FGD4: variants seen among roughly 807,000 people sequenced by gnomAD.
The protein encoded by FGD4 is FYVE, RhoGEF and PH domain containing 4, also known as FYVE, RhoGEF and PH domain-containing protein 4.
A neutral mutation model predicts 102.0 loss-of-function variants in FGD4; 42 were observed. The observed-to-expected ratio is 0.41, with a 90% confidence interval of 0.32 to 0.53. The LOEUF (loss-of-function observed/expected upper bound fraction) is 0.53, where lower values mean the gene tolerates loss of function less well. Among genes scored for constraint, FGD4 ranks in the 20% least tolerant of loss-of-function variants. The probability of loss-of-function intolerance (pLI) is 0.21; values close to 1 mark genes in which losing one functional copy is unlikely to be tolerated. For synonymous variants in FGD4, 380 were observed against 375.7 expected, an observed-to-expected ratio of 1.01 and a Z score of -0.13; for missense variants, 902 against 1,078.2, an observed-to-expected ratio of 0.84 and a Z score of 2.29.
chr12:32,478,742 T>C (rs1212681443), intron 1 of FGD4, among the ~76,000 whole-genome samples: 2 of 152,210 alleles, frequency 1.3e-5, no homozygotes, highest in Non-Finnish European at 2.9e-5. Context: ...TCCATTTATG[T>C]TTTAATCTTC....
chr12:32,400,068 A>G, intron 1 of FGD4, 109 bp downstream of exon 1: 1 of 1,371,050 alleles, frequency 7.3e-7, no homozygotes, highest in South Asian at 1.6e-5. Flanking sequence ...TGCGGAGGTA[A>G]CTGGTTCGGG....
intron 1 of FGD4, among the ~76,000 whole-genome samples, chr12:32,526,662 G>T (rs1431901291): frequency 6.6e-6 from 1 of 152,148 alleles, no homozygotes; most frequent in African/African-American, 2.4e-5. Flanking sequence ...TGGGAGCTTT[G>T]TTCTTTCGCT....
At chr12:32,574,331 G>GT (rs59873254) in intron 2 of FGD4, among the ~76,000 whole-genome samples, 1,837 of 127,488 alleles carry the variant, frequency 0.014, 21 homozygotes, top group African/African-American at 0.024. Context: ...AACCTTAAGT[G>GT]TTTTTTTTTT....
chr12:32,560,289 C>T (rs1944432568), intron 1 of FGD4, among the ~76,000 whole-genome samples: 1 of 152,198 alleles, frequency 6.6e-6, no homozygotes, highest in Non-Finnish European at 1.5e-5. Context: ...CTCTGTCACT[C>T]ATTTTGGAGT....
intron 1 of FGD4, among the ~76,000 whole-genome samples, chr12:32,474,403 C>G (rs1943531021): frequency 6.6e-6 from 1 of 152,176 alleles, no homozygotes; most frequent in Admixed American, 6.5e-5. Context: ...TACTGGCATT[C>G]TTTTGGCTGT....
At chr12:32,430,506 T>G (rs1019958530) in intron 1 of FGD4, among the ~76,000 whole-genome samples, 3 of 152,162 alleles carry the variant, frequency 2.0e-5, no homozygotes, top group Non-Finnish European at 4.4e-5. Context: ...TGAAGTTATA[T>G]GAATAATCTT....
At chr12:32,632,716 T>A (rs1950563308) in intron 14 of FGD4, among the ~76,000 whole-genome samples, 1 of 141,734 alleles carries the variant, frequency 7.1e-6, no homozygotes, top group East Asian at 1.9e-4. Flanking sequence ...TTTATTTATT[T>A]TTTTTTTTTG....
chr12:32,477,374 A>C (rs1363028030), intron 1 of FGD4: 1 of 152,286 alleles, frequency 6.6e-6, no homozygotes, highest in Non-Finnish European at 1.5e-5. Context: ...AGTTTGTTGA[A>C]ATTTTATTTT....
intron 1 of FGD4, among the ~76,000 whole-genome samples, chr12:32,538,143 C>T (rs1942466874): frequency 6.6e-6 from 1 of 152,174 alleles, no homozygotes; most frequent in Non-Finnish European, 1.5e-5. Context: ...AGCAATTCAC[C>T]TGCCTTGGTT....
At chr12:32,424,649 G>A (rs1185787463) in intron 1 of FGD4, among the ~76,000 whole-genome samples, 1 of 152,180 alleles carries the variant, frequency 6.6e-6, no homozygotes, top group Non-Finnish European at 1.5e-5. Context: ...TAGCCATACT[G>A]TCTTCCACAA....
intron 14 of FGD4, among the ~76,000 whole-genome samples, chr12:32,626,967 C>A (rs1358139918): frequency 6.6e-6 from 1 of 151,756 alleles, no homozygotes; most frequent in African/African-American, 2.4e-5. Context: ...CCTGCCTCAG[C>A]CTGCCTAGCA....
At chr12:32,564,366 CAAAG>C in intron 2 of FGD4, 77 bp downstream of exon 2, 3 of 1,473,440 alleles carry the variant, frequency 2.0e-6, no homozygotes, top group Non-Finnish European at 2.7e-6. Flanking sequence ...ATGATGGCCA[CAAAG>C]AAAGTGTTTT....
chr12:32,436,038 C>T (rs571904863), intron 1 of FGD4, among the ~76,000 whole-genome samples: 2 of 152,204 alleles, frequency 1.3e-5, no homozygotes, highest in East Asian at 3.9e-4. Flanking sequence ...TATCTGCTGT[C>T]GGGGGAGGAC....
chr12:32,599,381 C>T lies in FGD4; in HGVS notation c.1101+795C>T, dbSNP rs375550401. Among the ~76,000 whole-genome samples, 46 of 140,302 alleles carry T rather than the reference C, an allele frequency of 3.3e-4. No homozygotes were observed. In the East Asian group the frequency reaches 9.1e-3, roughly 28 times the overall value. The allele number at this position is 140,302 out of a possible 152,430, so 92.0% of individuals were successfully genotyped here. A position where few individuals can be genotyped will look rare whatever the true frequency, so the allele number is the denominator to read the frequency against. On this transcript the variant is annotated intron_variant, in intron 5 of 16. Coordinates refer to ENST00000534526, the MANE Select transcript of FGD4 (RefSeq NM_001370298.3). ...TGGTAGCGGGCGCCTGTAGTCCCAG[C>T]TACTCGGGAGGCTGAGGCAGGAGAA... is the stretch of plus-strand genomic sequence containing the variant.
chr12:32,432,666 T>G (rs1591889856), intron 1 of FGD4, among the ~76,000 whole-genome samples: 1 of 151,842 alleles, frequency 6.6e-6, no homozygotes, highest in East Asian at 2.0e-4. Flanking sequence ...GAGAGCATTA[T>G]ATACAGAGAA....
chr12:32,484,318 A>G (rs1237104486), intron 1 of FGD4, among the ~76,000 whole-genome samples: 1 of 152,114 alleles, frequency 6.6e-6, no homozygotes, highest in African/African-American at 2.4e-5. Context: ...TATACCCATC[A>G]AAATGTCCTC....
Position 32,544,607 on chromosome 12 carries a change from C to T in FGD4, c.167-19530C>T, listed in dbSNP as rs766397550. Among the ~76,000 whole-genome samples the T allele has an allele frequency of 4.1e-4, 63 of 152,136 alleles. No homozygotes were observed. The South Asian group carries it at 4.8e-3, about 12-fold the overall frequency. On this transcript the variant is annotated intron_variant, in intron 1 of 16. Coordinates refer to ENST00000534526, the MANE Select transcript of FGD4 (RefSeq NM_001370298.3). The surrounding 1 kb of genome is among the most constrained non-coding windows in gnomAD (Gnocchi z 4.1). ...AATGAGCCGGGCGTGGTGGCTCACA[C>T]CTGTGGTTCCAGCTACTCAGGAGGC...
At chr12:32,458,464 G>A (rs1030523322) in intron 1 of FGD4, among the ~76,000 whole-genome samples, 16 of 152,162 alleles carry the variant, frequency 1.1e-4, no homozygotes, top group African/African-American at 3.6e-4. Flanking sequence ...CTGAGCCAAC[G>A]TGCCCAGGCT....
intron 1 of FGD4, among the ~76,000 whole-genome samples, chr12:32,550,684 A>AG (rs971719091): frequency 1.3e-5 from 2 of 149,520 alleles, no homozygotes; most frequent in Non-Finnish European, 3.0e-5. Context: ...AAAAAAAAAA[A>AG]AAAAAAAGAA....
Sources: allele counts gnomAD v4.1 joint callset (sites outside exome capture counted in the v4.1 genomes callset), GRCh38; gene constraint gnomAD v4.1.1; non-coding constraint Gnocchi (gnomAD v3.1); transcripts MANE v1.5; gene names NCBI Gene and HGNC (gene_info 2026-07-23, HGNC 2026-07-21).